ETFBKMT: variants seen among roughly 807,000 people sequenced by gnomAD.
ETFBKMT encodes the protein electron transfer flavoprotein subunit beta lysine methyltransferase.
In ETFBKMT, 13 loss-of-function variants were observed where a neutral mutation model predicts 18.3. The observed-to-expected ratio is 0.71, with a 90% CI of 0.46 to 1.13. The LOEUF is 1.13. ETFBKMT is among the 50% of genes most tolerant of loss of function. The pLI, the probability that ETFBKMT is intolerant of heterozygous loss-of-function variation, is 0.00. For missense variants in ETFBKMT, 293 were observed against 306.2 expected (o/e 0.96, Z 0.32); for synonymous variants, 84 against 107.9 (o/e 0.78, Z 1.37).
upstream of ETFBKMT, among the ~76,000 whole-genome samples, chr12:31,656,847 G>C (rs1281900887): frequency 6.6e-6 from 1 of 152,104 alleles, no homozygotes; most frequent in Non-Finnish European, 1.5e-5. Flanking sequence ...ATTCAAGTTT[G>C]ATCCTCTCAC....
chr12:31,653,479 G>A (rs1242082200), intron 1 of ETFBKMT, among the ~76,000 whole-genome samples: 4 of 152,198 alleles, frequency 2.6e-5, no homozygotes, highest in South Asian at 4.1e-4. Flanking sequence ...AAGTTTGCCC[G>A]GTTACTAACT....
chr12:31,649,990 C>T lies in ETFBKMT; in HGVS notation c.-114+2735C>T, dbSNP rs1380512717. 5.3e-5 allele frequency among the ~76,000 whole-genome samples: 3 copies of T among 56,154 alleles called. No homozygotes were observed. The Admixed American group carries it at 5.4e-4, about 10-fold the overall frequency. 36.8% of individuals were successfully genotyped at this position (56,154 alleles called of 152,430 possible). A position where few individuals can be genotyped will look rare whatever the true frequency, so the allele number is the denominator to read the frequency against. ...CAGGTTGGTCTCGAACTCCTGGCCT[C>T]AAGTGATCCACCTGCCTCCCAAAGT... On this transcript the variant is annotated intron_variant, in intron 1 of 3. Coordinates refer to the ETFBKMT transcript ENST00000412352.
rs1269091291 is a variant in ETFBKMT at position 31,668,249 on chromosome 12, G to A, written c.*259G>A. The A allele has an allele frequency of 8.0e-5, 29 of 363,660 alleles. 1 individual carries two copies. The highest frequency in any genetic ancestry group is 7.6e-4 in the South Asian group (12 of 15,704). 22.5% of individuals were successfully genotyped at this position (363,660 alleles called of 1,614,324 possible). A position where few individuals can be genotyped will look rare whatever the true frequency, so the allele number is the denominator to read the frequency against. On this transcript the variant is annotated 3_prime_UTR_variant, in exon 4 of 4. Coordinates refer to ENST00000357721, the MANE Select transcript of ETFBKMT (RefSeq NM_001135863.2). ...CGCTGAAGGAATATGATTATACAAT[G>A]CCATACTCAATGGTGGCAGCATTTA...
chr12:31,666,162 T>G lies in ETFBKMT; in HGVS notation c.390T>G (p.Ala130=). 1 of 1,614,146 alleles carries G rather than the reference T, an allele frequency of 6.2e-7. No homozygotes were observed. Among genetic ancestry groups the G allele is most frequent in the Non-Finnish European group, 8.5e-7 (1 of 1,179,976 alleles). Residue 130 remains alanine (A), a synonymous_variant, in exon 3 of 4, where the codon GCT becomes GCG. Transcript: ENST00000357721. ...TTGGGAGTGGATGTGGAGCTACAGCTATTGCTGCTAAGATGAGTGGGGCAT... is the reference window on the plus strand; with the variant it reads ...TTGGGAGTGGATGTGGAGCTACAGCGATTGCTGCTAAGATGAGTGGGGCAT... ...LDLGSGCGAT[A]IAAKMSGASR...
intron 1 of ETFBKMT, among the ~76,000 whole-genome samples, chr12:31,649,876 C>T (rs1329351702): frequency 6.7e-6 from 1 of 149,104 alleles, no homozygotes; most frequent in East Asian, 2.0e-4. Context: ...CCTGCCTCAG[C>T]CCCCTGAGTA....
chr12:31,652,010 A>G (rs534782745), intron 1 of ETFBKMT, among the ~76,000 whole-genome samples: 2 of 152,274 alleles, frequency 1.3e-5, no homozygotes, highest in Admixed American at 6.5e-5. Flanking sequence ...GTGTACTGTA[A>G]GGAGCAGACA....
chr12:31,663,382 C>T (rs1049426515), intron 2 of ETFBKMT, among the ~76,000 whole-genome samples: 13 of 151,034 alleles, frequency 8.6e-5, no homozygotes, highest in Non-Finnish European at 1.8e-4. Context: ...TGAGCCACCG[C>T]GCCTGGCTTA....
Position 31,652,502 on chromosome 12 carries a change from A to G in ETFBKMT, c.-114+5247A>G, listed in dbSNP as rs117793516. Among the ~76,000 whole-genome samples, 22 of 152,138 alleles carry G rather than the reference A, an allele frequency of 1.4e-4. No individual in the cohort carries two copies. In the East Asian group the frequency reaches 4.1e-3, roughly 28 times the overall value. On this transcript the variant is annotated intron_variant, in intron 1 of 3. Transcript: ENST00000412352. ...GGTATAAAAGCTTTCTGTTCTGGCC[A>G]TTTTCTTCAGGTCGTCGCCCCTTTC...
chr12:31,672,496 G>T lies in ETFBKMT; in HGVS notation c.*4506G>T. 2 of 727,434 alleles carry T rather than the reference G, an allele frequency of 2.7e-6. No individual in the cohort carries two copies. Among genetic ancestry groups the T allele is most frequent in the South Asian group, 1.6e-5 (1 of 61,242 alleles). The allele number at this position is 727,434 out of a possible 1,614,324, so 45.1% of individuals were successfully genotyped here. A position where few individuals can be genotyped will look rare whatever the true frequency, so the allele number is the denominator to read the frequency against. On this transcript the variant is annotated 3_prime_UTR_variant, in exon 4 of 4. Transcript: ENST00000357721. Reference sequence around the variant, plus strand: ...AGTTATTTAAAGGATTAAAGGAGGTGATCTATAAAGCACAATATACAACTA... The same window carrying T: ...AGTTATTTAAAGGATTAAAGGAGGTTATCTATAAAGCACAATATACAACTA...
chr12:31,654,701 A>T (rs905652098), upstream of ETFBKMT, among the ~76,000 whole-genome samples: 2 of 152,226 alleles, frequency 1.3e-5, no homozygotes, highest in Non-Finnish European at 2.9e-5. Flanking sequence ...CATGCATATG[A>T]AAATCTAGAA....
At position 31,672,193 on chromosome 12, in the gene ETFBKMT, A is replaced by C. The variant is rs187003665; in HGVS notation, c.*4203A>C. ...CTGAGAGTTATAACTTAAGACAATAAAATAATTAAAAATAGTGTTAACATT... is the reference window on the plus strand; with the variant it reads ...CTGAGAGTTATAACTTAAGACAATACAATAATTAAAAATAGTGTTAACATT... On this transcript the variant is annotated 3_prime_UTR_variant, in exon 4 of 4. Transcript: ENST00000357721. The C allele has an allele frequency of 6.4e-5, 47 of 738,464 alleles. No homozygotes were observed. In the East Asian group the frequency reaches 6.8e-4, roughly 11 times the overall value. 45.7% of individuals were successfully genotyped at this position (738,464 alleles called of 1,614,324 possible).
intron 1 of ETFBKMT, among the ~76,000 whole-genome samples, chr12:31,650,754 A>G (rs1169437421): frequency 6.6e-6 from 1 of 151,982 alleles, no homozygotes; most frequent in African/African-American, 2.4e-5. Context: ...GCCACCCCCA[A>G]ATATGCCAGT....
At chr12:31,657,801 A>C (rs1951075044), upstream of ETFBKMT, among the ~76,000 whole-genome samples, 2 of 151,598 alleles carry the variant, frequency 1.3e-5, no homozygotes, top group Admixed American at 1.3e-4. Flanking sequence ...CAAAAAAAAA[A>C]AAAAAAAAAA....
intron 1 of ETFBKMT, among the ~76,000 whole-genome samples, chr12:31,648,560 T>TC (rs1231499811): frequency 2.0e-5 from 2 of 98,314 alleles, no homozygotes; most frequent in East Asian, 2.2e-4. Flanking sequence ...TGGGTTTCTT[T>TC]TTTTTTTTTT....
rs182203196 is a variant in ETFBKMT at position 31,663,371 on chromosome 12, G to T, written c.314+1104G>T. On this transcript the variant is annotated intron_variant, in intron 2 of 3. Coordinates refer to ENST00000357721, the MANE Select transcript of ETFBKMT (RefSeq NM_001135863.2). ...CTCCCAAAGTGCTGGGATTACAGGC[G>T]TGAGCCACCGCGCCTGGCTTAATTT... Among the ~76,000 whole-genome samples the T allele has an allele frequency of 9.6e-3, 1,440 of 150,628 alleles. 19 individuals carry two copies. Among genetic ancestry groups the T allele is most frequent in the African/African-American group, 0.033 (1,363 of 40,738 alleles).
At chr12:31,660,847 CA>C (rs746380874) in intron 1 of ETFBKMT, 14 of 152,150 alleles carry the variant, frequency 9.2e-5, no homozygotes, top group Non-Finnish European at 1.6e-4. Flanking sequence ...TTCATAAAGG[CA>C]AAAACTGTGT....
At chr12:31,656,227 G>A (rs1439953990), upstream of ETFBKMT, among the ~76,000 whole-genome samples, 2 of 152,078 alleles carry the variant, frequency 1.3e-5, no homozygotes, top group Non-Finnish European at 2.9e-5. Context: ...TGGCATGTTG[G>A]GGAAGGCTTT....
At chr12:31,665,630 C>T (rs1592137760) in intron 2 of ETFBKMT, among the ~76,000 whole-genome samples, 1 of 152,180 alleles carries the variant, frequency 6.6e-6, no homozygotes, top group African/African-American at 2.4e-5. Flanking sequence ...TCAGGCGTCT[C>T]ACAGCCTTCA....
rs748302633 is a variant in ETFBKMT at position 31,662,017 on chromosome 12, C to T, written c.64C>T (p.Arg22Ter). 74 of 1,614,218 alleles carry T rather than the reference C, an allele frequency of 4.6e-5. No homozygotes were observed. Among genetic ancestry groups the T allele is most frequent in the Middle Eastern group, 1.6e-4 (1 of 6,062 alleles). Residue 22 changes from arginine to a stop codon, truncating the protein, a stop_gained, in exon 2 of 4, where the codon CGA becomes TGA. Coordinates refer to ENST00000357721, the MANE Select transcript of ETFBKMT (RefSeq NM_001135863.2). LOFTEE classifies it high-confidence loss of function. ...NHCGLLLQAL[R>*]SSGLLLFPCG... Reference sequence around the variant, plus strand: ...CTGTGGTCTCCTCTTGCAGGCTCTGCGAAGCAGTGGTCTTCTCTTGTTTCC... The same window carrying T: ...CTGTGGTCTCCTCTTGCAGGCTCTGTGAAGCAGTGGTCTTCTCTTGTTTCC...
Sources: gnomAD v4.1 joint callset for allele counts (sites outside exome capture counted in the v4.1 genomes callset) on GRCh38, gnomAD v4.1.1 for gene constraint, MANE v1.5 for transcripts, NCBI Gene and HGNC (gene_info 2026-07-23, HGNC 2026-07-21) for gene names.